The following CELF2 variants were observed in gnomAD, a reference collection of about 807,000 sequenced individuals.
CELF2 encodes CUG triplet repeat RNA-binding protein 2.
CELF2 carries 8 observed loss-of-function variants against 62.6 expected under a neutral mutation model. The ratio of observed to expected loss-of-function variants is 0.13; its 90% CI spans 0.07 to 0.23. CELF2 has a LOEUF of 0.23. Among genes scored for constraint, CELF2 ranks in the 10% least tolerant of loss-of-function variants. CELF2 has a pLI of 1.00. For synonymous variants in CELF2, 258 were observed against 250.0 expected, an observed-to-expected ratio of 1.03 and a Z score of -0.30; for missense variants, 333 against 671.0, an observed-to-expected ratio of 0.50 and a Z score of 5.56.
At chr10:10,610,702 G>A in the CELF2 span, among the ~76,000 whole-genome samples, 114,201 of 152,034 alleles carry the variant, frequency 0.75, 43,636 homozygotes, top group South Asian at 0.86. Flanking sequence ...TTTTGTCTCT[G>A]TGATGCCCAA....
the CELF2 span, among the ~76,000 whole-genome samples, chr10:10,754,767 C>A: frequency 6.6e-6 from 1 of 152,162 alleles, no homozygotes; most frequent in Non-Finnish European, 1.5e-5. Flanking sequence ...GATTTGAATT[C>A]TACGTGTTCT....
At chr10:11,249,500 T>C (rs556777492) in intron 4 of CELF2, among the ~76,000 whole-genome samples, 1 of 152,116 alleles carries the variant, frequency 6.6e-6, no homozygotes, top group African/African-American at 2.4e-5. Context: ...TTGGTTCCTG[T>C]CTCCTCCAAC....
In CELF2 at chr10:11,319,107, C is replaced by G; in HGVS notation, c.1097-2082C>G. The G allele has an allele frequency of 2.1e-6, 1 of 469,962 alleles. No individual in the cohort carries two copies. The highest frequency in any genetic ancestry group is 1.5e-5 in the South Asian group (1 of 64,554). The allele number at this position is 469,962 out of a possible 1,614,324, so 29.1% of individuals were successfully genotyped here. A position where few individuals can be genotyped will look rare whatever the true frequency, so the allele number is the denominator to read the frequency against. ...TTGAGATCCAAGCAGAGCGGCGAGT[C>G]GCCGCTCCTCTCCCGCCAGAATTTC... On this transcript the variant is annotated intron_variant, in intron 10 of 12. Coordinates refer to ENST00000633077, the MANE Select transcript of CELF2 (RefSeq NM_001326342.2). This position sits in a 1 kb window ranked among gnomAD's most constrained non-coding sequence, Gnocchi z 4.4.
chr10:10,577,099 A>G, the CELF2 span, among the ~76,000 whole-genome samples: 5 of 152,204 alleles, frequency 3.3e-5, no homozygotes, highest in Admixed American at 6.5e-5. Flanking sequence ...GTCCATAAGC[A>G]AAGACTAAGA....
the CELF2 span, among the ~76,000 whole-genome samples, chr10:10,669,449 C>T: frequency 7.2e-5 from 11 of 152,198 alleles, no homozygotes; most frequent in Admixed American, 2.0e-4. Flanking sequence ...GAGAGCAGAA[C>T]GTCAGCTGCT....
intron 1 of CELF2, among the ~76,000 whole-genome samples, chr10:11,142,047 T>A (rs924913371): frequency 9.9e-5 from 15 of 152,240 alleles, no homozygotes; most frequent in Non-Finnish European, 2.1e-4. Context: ...CATCATACTT[T>A]CCCACTTGTT....
the CELF2 span, among the ~76,000 whole-genome samples, chr10:10,656,312 G>A: frequency 2.0e-5 from 3 of 149,660 alleles, no homozygotes; most frequent in Admixed American, 1.3e-4. Context: ...AGTCAGTGTG[G>A]CGATTCCTCA....
the CELF2 span, among the ~76,000 whole-genome samples, chr10:10,530,250 G>T: frequency 6.6e-6 from 1 of 152,176 alleles, no homozygotes. Context: ...CCCTAGGTAC[G>T]ATGCTTGTTT....
intron 1 of CELF2, among the ~76,000 whole-genome samples, chr10:11,119,211 A>G (rs970505581): frequency 1.3e-5 from 2 of 152,190 alleles, no homozygotes; most frequent in Non-Finnish European, 2.9e-5. Context: ...TAAACTTTAG[A>G]CTTCTTGCAT....
chr10:10,514,363 C>A, the CELF2 span, among the ~76,000 whole-genome samples: 1 of 152,068 alleles, frequency 6.6e-6, no homozygotes, highest in Non-Finnish European at 1.5e-5. Flanking sequence ...TCCACTTAGT[C>A]AAATACTCCT....
At chr10:10,708,053 A>G in the CELF2 span, among the ~76,000 whole-genome samples, 2 of 152,248 alleles carry the variant, frequency 1.3e-5, no homozygotes, top group African/African-American at 4.8e-5. Context: ...GTATCTTCAT[A>G]TAAACAAAGG....
In CELF2 at chr10:11,071,865, A is replaced by C. The variant is rs182949301; in HGVS notation, c.74+53702A>C. On this transcript the variant is annotated intron_variant, in intron 1 of 12. Transcript: ENST00000633077. ...TGAATCCTTTCATATCTCACCCCTG[A>C]CAAGTCCCGAGTCAATGGGGTCATG... Among the ~76,000 whole-genome samples the C allele has an allele frequency of 3.3e-4, 51 of 152,342 alleles. 1 individual carries two copies. The East Asian group carries it at 7.7e-3, about 23-fold the overall frequency.
chr10:10,514,298 A>T, the CELF2 span, among the ~76,000 whole-genome samples: 2 of 152,208 alleles, frequency 1.3e-5, no homozygotes, highest in African/African-American at 4.8e-5. Context: ...TGATCGATTC[A>T]TGGAATTTTT....
the CELF2 span, among the ~76,000 whole-genome samples, chr10:10,467,286 T>C: frequency 6.6e-6 from 1 of 151,992 alleles, no homozygotes; most frequent in Non-Finnish European, 1.5e-5. Flanking sequence ...AAACCAAGGG[T>C]CAATTTTTTT....
chr10:10,564,395 A>T, the CELF2 span, among the ~76,000 whole-genome samples: 1 of 152,146 alleles, frequency 6.6e-6, no homozygotes, highest in South Asian at 2.1e-4. Context: ...AAGATTTTTT[A>T]AAAAGCGAAC....
chr10:10,669,668 G>T, the CELF2 span, among the ~76,000 whole-genome samples: 1 of 152,150 alleles, frequency 6.6e-6, no homozygotes, highest in Non-Finnish European at 1.5e-5. Context: ...GCAATCTGCA[G>T]GCCACCCCAG....
chr10:11,165,377 G>A lies in CELF2; in HGVS notation c.75-109G>A, dbSNP rs1043514951. On this transcript the variant is annotated intron_variant, in intron 1 of 12. Transcript: ENST00000633077. This position sits in a 1 kb window ranked among gnomAD's most constrained non-coding sequence, Gnocchi z 7.4. ...ACGACTCATTAGGCACTTTGCCACT[G>A]CTCTTCTTCCTCCTCCTTCCGCCTC... 5.3e-6 allele frequency: 8 copies of A among 1,521,374 alleles called. No homozygotes were observed. Among genetic ancestry groups the A allele is most frequent in the Middle Eastern group, 1.8e-4 (1 of 5,648 alleles). The allele number at this position is 1,521,374 out of a possible 1,614,324, so 94.2% of individuals were successfully genotyped here. A position where few individuals can be genotyped will look rare whatever the true frequency, so the allele number is the denominator to read the frequency against.
At chr10:10,834,031 C>T (rs1365137775) in intron 1 of CELF2, among the ~76,000 whole-genome samples, 1 of 152,138 alleles carries the variant, frequency 6.6e-6, no homozygotes, top group Non-Finnish European at 1.5e-5. Flanking sequence ...ATTGCAGCAC[C>T]ATTCACAATA....
rs2071579704 is a variant in CELF2, at chr10:11,177,355, CCTT to C, written c.271+11675_271+11677del. ...TTCTGTGTTGCTTCTTAAATATACT[CCTT>C]CAAGTCAGGTTAGCTTACCTTGGGT... On this transcript the variant is annotated intron_variant, in intron 2 of 12. Transcript: ENST00000633077. The surrounding 1 kb of genome is among the most constrained non-coding windows in gnomAD (Gnocchi z 4.8). 6.6e-6 allele frequency among the ~76,000 whole-genome samples: 1 copy of C among 151,502 alleles called. No homozygotes were observed. The highest frequency in any genetic ancestry group is 2.4e-5 in the African/African-American group (1 of 41,164).
Sources: allele counts gnomAD v4.1 joint callset (sites outside exome capture counted in the v4.1 genomes callset), GRCh38; gene constraint gnomAD v4.1.1; non-coding constraint Gnocchi (gnomAD v3.1); transcripts MANE v1.5; gene names NCBI Gene and HGNC (gene_info 2026-07-23, HGNC 2026-07-21).